The following PODN variants were observed in gnomAD, a reference collection of about 807,000 sequenced individuals.
The protein encoded by PODN is podocan proteoglycan.
In PODN, 40 loss-of-function variants were observed where a neutral mutation model predicts 52.7. That is an observed-to-expected ratio of 0.76 (90% CI 0.59 to 0.99). The LOEUF (loss-of-function observed/expected upper bound fraction) is 0.99, where lower values mean the gene tolerates loss of function less well. PODN is among the 50% of genes least tolerant of loss of function. The probability of loss-of-function intolerance (pLI) is 0.00; values close to 1 mark genes in which losing one functional copy is unlikely to be tolerated. For synonymous variants in PODN, 396 were observed against 377.9 expected (o/e 1.05, Z -0.56); for missense variants, 720 against 815.1 (o/e 0.88, Z 1.42).
chr1:53,073,597 C>A (rs1321046500), intron 3 of PODN: 1 of 152,154 alleles, frequency 6.6e-6, no homozygotes, highest in African/African-American at 2.4e-5. Context: ...AGAGTCCTCA[C>A]ATTTTAAAAA....
chr1:53,078,766 C>G lies in PODN; in HGVS notation c.1256C>G (p.Pro419Arg), dbSNP rs768523563. Reference protein sequence around the residue: ...LNLSYNRITSPQVHRDAFRKL... With the variant: ...LNLSYNRITSRQVHRDAFRKL... ...CTCAGCTACAACCGCATCACCAGCC[C>G]GCAGGTGCACCGCGACGCCTTCCGC... Residue 419 changes from proline to arginine, a missense_variant, in exon 8 of 11, where the codon CCG becomes CGG. By Grantham distance (103) the Pro-to-Arg change is moderately radical. Transcript: ENST00000312553. 1.1e-5 allele frequency: 18 copies of G among 1,613,270 alleles called. No individual in the cohort carries two copies. The South Asian group carries it at 1.9e-4, about 17-fold the overall frequency.
In PODN at chr1:53,069,660, G is replaced by T. The variant is rs797021296; in HGVS notation, c.-55-141G>T. On this transcript the variant is annotated intron_variant, in intron 1 of 10. Coordinates refer to ENST00000312553, the MANE Select transcript of PODN (RefSeq NM_153703.5). ...TCCCCCGCCTCTGGAGGGCAGCCTGGTGGGGGTTGGGCAGGTGCGGAGGGC... is the reference window on the plus strand; with the variant it reads ...TCCCCCGCCTCTGGAGGGCAGCCTGTTGGGGGTTGGGCAGGTGCGGAGGGC... 1.3e-5 allele frequency: 16 copies of T among 1,263,416 alleles called. No homozygotes were observed. In the African/African-American group the frequency reaches 2.0e-4, roughly 16 times the overall value. The allele number at this position is 1,263,416 out of a possible 1,614,324, so 78.3% of individuals were successfully genotyped here. A position where few individuals can be genotyped will look rare whatever the true frequency, so the allele number is the denominator to read the frequency against.
At position 53,081,968 on chromosome 1, in the gene PODN, G is replaced by A. The variant is rs1301009288; in HGVS notation, c.1662-13G>A. ...TTGGGCTCCTGGCATTGACTGCCTC[G>A]ATGCTCACACAGGTTTAACAAGCTG... is the stretch of plus-strand genomic sequence containing the variant. On this transcript the variant is annotated splice_polypyrimidine_tract_variant and intron_variant, in intron 9 of 10. Transcript: ENST00000312553. 1.1e-5 allele frequency: 18 copies of A among 1,578,608 alleles called. No individual in the cohort carries two copies. The highest frequency in any genetic ancestry group is 2.3e-5 in the East Asian group (1 of 43,322).
chr1:53,070,628 C>T (rs1338199145), intron 2 of PODN, among the ~76,000 whole-genome samples: 1 of 152,228 alleles, frequency 6.6e-6, no homozygotes, highest in African/African-American at 2.4e-5. Flanking sequence ...AGAGGTGGGA[C>T]ACAGTGTCCA....
chr1:53,071,572 C>G lies in PODN; in HGVS notation c.350C>G (p.Ser117Cys). 1 of 1,614,050 alleles carries G rather than the reference C, an allele frequency of 6.2e-7. No individual in the cohort carries two copies. Among genetic ancestry groups the G allele is most frequent in the Non-Finnish European group, 8.5e-7 (1 of 1,179,998 alleles). ...GAAAAGATCTACCCTGAGGAGCTCT[C>G]CCGGCTGCACCGGCTGGAGACGCTG... Reference protein sequence around the residue: ...QLEKIYPEELSRLHRLETLNL... With the variant: ...QLEKIYPEELCRLHRLETLNL... Residue 117 changes from serine (S) to cysteine (C), a missense_variant, in exon 3 of 11, where the codon TCC becomes TGC. Ser to Cys is a moderately radical substitution (Grantham distance 112). Coordinates refer to ENST00000312553, the MANE Select transcript of PODN (RefSeq NM_153703.5).
At chr1:53,077,382 C>A (rs1420681357) in intron 6 of PODN, 36 bp downstream of exon 6, 5 of 1,607,262 alleles carry the variant, frequency 3.1e-6, no homozygotes, top group Non-Finnish European at 4.2e-6. Context: ...GCACAGCAGA[C>A]CCCACAGCCA....
At position 53,062,297 on chromosome 1, in the gene PODN, G is replaced by C; in HGVS notation, c.-67G>C. 1 of 1,257,028 alleles carries C rather than the reference G, an allele frequency of 8.0e-7. No individual in the cohort carries two copies. The highest frequency in any genetic ancestry group is 1.0e-6 in the Non-Finnish European group (1 of 993,762). The allele number at this position is 1,257,028 out of a possible 1,614,324, so 77.9% of individuals were successfully genotyped here. A position where few individuals can be genotyped will look rare whatever the true frequency, so the allele number is the denominator to read the frequency against. On this transcript the variant is annotated 5_prime_UTR_variant, in exon 1 of 11. Transcript: ENST00000312553. ...GGCCTGTGGGGCGCCGCTCGGCGCC[G>C]GGGCGCAGCAGGTACAGGGCGCTGG...
chr1:53,075,875 C>A lies in PODN; in HGVS notation c.485C>A (p.Pro162His), dbSNP rs758469192. Residue 162 changes from proline to histidine, a missense_variant, in exon 5 of 11, where the codon CCC becomes CAC. Physicochemically the swap from Pro to His is moderately conservative, Grantham distance 77 (BLOSUM62 -2). Coordinates refer to ENST00000312553, the MANE Select transcript of PODN (RefSeq NM_153703.5). ...TTCCCTTCCCAGCTGACCTTGGCACCCCGCTTCCTGCCAAACGCCCTGATC... is the reference window on the plus strand; with the variant it reads ...TTCCCTTCCCAGCTGACCTTGGCACACCGCTTCCTGCCAAACGCCCTGATC... ...YLANNKLTLA[P>H]RFLPNALISV... 1.4e-5 allele frequency: 23 copies of A among 1,600,056 alleles called. No individual in the cohort carries two copies. The highest frequency in any genetic ancestry group is 2.0e-5 in the Non-Finnish European group (23 of 1,171,998).
chr1:53,070,258 C>T lies in PODN; in HGVS notation c.312+91C>T. 3 of 1,557,664 alleles carry T rather than the reference C, an allele frequency of 1.9e-6. No individual in the cohort carries two copies. The South Asian group carries it at 3.4e-5, about 18-fold the overall frequency. Reference sequence around the variant, plus strand: ...ACCCTGACACTCCAAGCAAACTGTTCACCCAGAACCTCCAATATGTGCGGC... The same window carrying T: ...ACCCTGACACTCCAAGCAAACTGTTTACCCAGAACCTCCAATATGTGCGGC... On this transcript the variant is annotated intron_variant, in intron 2 of 10. Coordinates refer to ENST00000312553, the MANE Select transcript of PODN (RefSeq NM_153703.5).
Position 53,069,983 on chromosome 1 carries a change from A to G in PODN, c.128A>G (p.Asn43Ser). ...GGCCACAGCCTGAGCCCCGAAGAGA[A>G]CGAATTTGCGGAGGAGGAGCCGGTG... ...SGGHSLSPEE[N>S]EFAEEEPVLV... The change falls in exon 2 of 11, where the codon AAC (asparagine) becomes AGC (serine). Residue 43 changes from asparagine (N) to serine (S), a missense_variant. Asn to Ser is a conservative substitution (Grantham distance 46, BLOSUM62 1). Transcript: ENST00000312553. 1 of 1,611,356 alleles carries G rather than the reference A, an allele frequency of 6.2e-7. No homozygotes were observed.
intron 10 of PODN, among the ~76,000 whole-genome samples, chr1:53,082,969 G>A (rs1160417450): frequency 6.6e-6 from 1 of 152,186 alleles, no homozygotes. Context: ...CACATGATGC[G>A]TGCATGCACA....
At chr1:53,081,861 T>C (rs949362216) in intron 9 of PODN, 120 bp from the exon 10 acceptor site, 16 of 1,449,466 alleles carry the variant, frequency 1.1e-5, no homozygotes, top group Middle Eastern at 2.5e-4. Context: ...TCCCGCCTGC[T>C]GCACCACTTT....
chr1:53,065,364 AAAAG>A (rs1644016729), intron 1 of PODN, among the ~76,000 whole-genome samples: 1 of 152,138 alleles, frequency 6.6e-6, no homozygotes, highest in South Asian at 2.1e-4. Context: ...TCAAAAAAAA[AAAAG>A]AAAGTTGGAA....
intron 9 of PODN, 58 bp downstream of exon 9, chr1:53,080,934 G>A (rs112843388): frequency 0.016 from 24,734 of 1,594,590 alleles, 208 homozygotes; most frequent in Non-Finnish European, 0.019. Context: ...TGGCTCCAAC[G>A]GGACAGTTGA....
chr1:53,066,956 C>A, intron 1 of PODN: 1 of 1,324,320 alleles, frequency 7.6e-7, no homozygotes, highest in Non-Finnish European at 1.1e-6. Flanking sequence ...GGACCTGGGC[C>A]TGTGCCCACA....
At chr1:53,071,400 C>A in intron 2 of PODN, 135 bp from the exon 3 acceptor site, 1 of 742,184 alleles carries the variant, frequency 1.3e-6, no homozygotes, top group Non-Finnish European at 2.2e-6. Flanking sequence ...GGGTCTGCTG[C>A]CATGGGGGAG....
At chr1:53,066,334 T>A (rs79392928) in intron 1 of PODN, among the ~76,000 whole-genome samples, 5,534 of 152,280 alleles carry the variant, frequency 0.036, 198 homozygotes, top group East Asian at 0.19. Context: ...ACTGGTAACA[T>A]TTATTTAACC....
chr1:53,066,021 G>C (rs12061212), intron 1 of PODN, among the ~76,000 whole-genome samples: 7,383 of 117,304 alleles, frequency 0.063, 240 homozygotes, highest in Middle Eastern at 0.13. Context: ...TTTTTGAGAC[G>C]GTCTCACTCT....
At chr1:53,062,956 C>A (rs1455504750) in intron 1 of PODN, among the ~76,000 whole-genome samples, 2 of 152,200 alleles carry the variant, frequency 1.3e-5, no homozygotes, top group Non-Finnish European at 2.9e-5. Flanking sequence ...TCTGTCTACG[C>A]GGCTGCTTCC....
Sources: gnomAD v4.1 joint callset for allele counts (sites outside exome capture counted in the v4.1 genomes callset) on GRCh38, gnomAD v4.1.1 for gene constraint, MANE v1.5 for transcripts, NCBI Gene and HGNC (gene_info 2026-07-23, HGNC 2026-07-21) for gene names.